The following SLC23A1 variants were observed in gnomAD, a reference collection of about 807,000 sequenced individuals.
SLC23A1 encodes the protein Na(+)/L-ascorbic acid transporter 1.
In SLC23A1, 31 loss-of-function variants were observed where a neutral mutation model predicts 62.5. The ratio of observed to expected loss-of-function variants is 0.50; its 90% CI spans 0.37 to 0.67. The LOEUF (loss-of-function observed/expected upper bound fraction) is 0.67, where lower values mean the gene tolerates loss of function less well. SLC23A1 is among the 30% of genes least tolerant of loss of function. SLC23A1 has a pLI of 0.00. For missense variants in SLC23A1, 640 were observed against 782.7 expected (o/e 0.82, Z 2.18); for synonymous variants, 271 against 313.2 (o/e 0.87, Z 1.42).
intron 1 of SLC23A1, 109 bp downstream of exon 1, chr5:139,383,109 C>G: frequency 1.4e-6 from 1 of 735,302 alleles, no homozygotes; most frequent in South Asian, 2.1e-5. Context: ...TCACTCTTAT[C>G]AAGTTCATCA....
intron 14 of SLC23A1, among the ~76,000 whole-genome samples, chr5:139,371,084 A>G (rs532518065): frequency 6.6e-6 from 1 of 152,266 alleles, no homozygotes; most frequent in South Asian, 2.1e-4. Context: ...TCTGTCTCAA[A>G]AAAAAAGGAA....
At chr5:139,371,932 C>T (rs1757690178) in intron 14 of SLC23A1, 55 bp downstream of exon 14, 1 of 1,396,004 alleles carries the variant, frequency 7.2e-7, no homozygotes, top group African/African-American at 1.4e-5. Flanking sequence ...TTGGTTAAAG[C>T]ATAAGAATGT....
At chr5:139,368,661 A>T in intron 14 of SLC23A1, 1 of 998,644 alleles carries the variant, frequency 1.0e-6, no homozygotes, top group Non-Finnish European at 1.6e-6. Context: ...ATGTTTTTGC[A>T]TGAGGATCTA....
Position 139,382,024 on chromosome 5 carries a change from G to T in SLC23A1, c.176C>A (p.Thr59Asn). The change falls in exon 3 of 15, where the codon ACC (threonine) becomes AAC (asparagine). Residue 59 changes from threonine to asparagine, a missense_variant. Physicochemically the swap from Thr to Asn is moderately conservative, Grantham distance 65. Transcript: ENST00000348729. ...AGCCAGCAGGAAGGGCACGGCGATG[G>T]TACCACTGAAGCATGTCAGGTAGTG... ...FQHYLTCFSG[T>N]IAVPFLLAEA... 1 of 1,609,360 alleles carries T rather than the reference G, an allele frequency of 6.2e-7. No individual in the cohort carries two copies. The highest frequency in any genetic ancestry group is 8.5e-7 in the Non-Finnish European group (1 of 1,177,922).
upstream of SLC23A1, chr5:139,384,645 G>A (rs537093615): frequency 8.2e-7 from 1 of 1,226,394 alleles, no homozygotes; most frequent in Admixed American, 2.7e-5. Context: ...ACCCCCTGCA[G>A]ATACGGCTCC....
At chr5:139,384,529 A>G (rs1030306534), upstream of SLC23A1, 3 of 1,289,262 alleles carry the variant, frequency 2.3e-6, no homozygotes, top group African/African-American at 3.0e-5. Flanking sequence ...ACTGCTCCCA[A>G]TTTCCAAAGT....
Position 139,379,281 on chromosome 5 carries a change from A to G in SLC23A1, c.999T>C (p.Ile333=), listed in dbSNP as rs1758111984. ...GMFSATLAGI[I]ESIGDYYACA... is the part of the protein sequence containing the mutation. ...AGGCGTAGTAATCTCCGATGGACTC[A>G]ATGATGCCTGCCAGAGTGGCGCTGA... The change falls in exon 9 of 15, where the codon ATT becomes ATC. Residue 333 remains isoleucine (I), a synonymous_variant. Transcript: ENST00000348729. This position sits in a 1 kb window ranked among gnomAD's most constrained non-coding sequence, Gnocchi z 4.7. 6.2e-7 allele frequency: 1 copy of G among 1,614,140 alleles called. No homozygotes were observed. The highest frequency in any genetic ancestry group is 1.3e-5 in the African/African-American group (1 of 75,042).
rs146029818 is a variant in SLC23A1 at position 139,379,751 on chromosome 5, A to G, written c.852T>C (p.Tyr284=). Residue 284 remains tyrosine, a synonymous_variant, in exon 8 of 15, where the codon TAT becomes TAC. Coordinates refer to ENST00000348729, the MANE Select transcript of SLC23A1 (RefSeq NM_005847.5). The surrounding 1 kb of genome is among the most constrained non-coding windows in gnomAD (Gnocchi z 4.7). Reference sequence around the variant, plus strand: ...GGGCATCGGTTCGTGCCTGGAAGCCATAGGCTTTTGGGTCTGTGGGCAGCA... The same window carrying G: ...GGGCATCGGTTCGTGCCTGGAAGCCGTAGGCTTTTGGGTCTGTGGGCAGCA... ...TDVLPTDPKA[Y]GFQARTDARG... is the part of the protein sequence containing the mutation. The G allele has an allele frequency of 3.1e-6, 5 of 1,613,940 alleles. No homozygotes were observed. The highest frequency in any genetic ancestry group is 4.2e-6 in the Non-Finnish European group (5 of 1,179,998).
Position 139,367,511 on chromosome 5 carries a change from C to A in SLC23A1, c.*140G>T, listed in dbSNP as rs1757332635. 6.6e-6 allele frequency: 1 copy of A among 151,010 alleles called. No homozygotes were observed. The highest frequency in any genetic ancestry group is 2.4e-5 in the African/African-American group (1 of 41,090). 9.4% of individuals were successfully genotyped at this position (151,010 alleles called of 1,614,324 possible). A position where few individuals can be genotyped will look rare whatever the true frequency, so the allele number is the denominator to read the frequency against. ...TTTTAACTGATGCAAAAATTTGAAT[C>A]CCAGAGAAAGGTGACTTATCTGAGT... On this transcript the variant is annotated 3_prime_UTR_variant, in exon 15 of 15. Coordinates refer to ENST00000348729, the MANE Select transcript of SLC23A1 (RefSeq NM_005847.5).
intron 13 of SLC23A1, among the ~76,000 whole-genome samples, chr5:139,375,518 G>A (rs1204986268): frequency 5.3e-5 from 8 of 152,108 alleles, no homozygotes; most frequent in Admixed American, 4.6e-4. Flanking sequence ...CTCCAGCCTG[G>A]GCAACATAGA....
At chr5:139,372,828 C>T (rs552157052) in intron 13 of SLC23A1, among the ~76,000 whole-genome samples, 1 of 152,236 alleles carries the variant, frequency 6.6e-6, no homozygotes, top group Admixed American at 6.5e-5. Flanking sequence ...TGTGATCTGC[C>T]TGGCTTGGCC....
intron 2 of SLC23A1, 43 bp downstream of exon 2, chr5:139,382,449 G>A: frequency 8.6e-7 from 1 of 1,159,520 alleles, no homozygotes; most frequent in Non-Finnish European, 1.3e-6. Flanking sequence ...GGAGTCCCCG[G>A]GGAGTGTGCA....
In SLC23A1 at chr5:139,378,159, T is replaced by C. The variant is rs34063983; in HGVS notation, c.1310-41A>G. 3.6e-3 allele frequency: 5,747 copies of C among 1,613,664 alleles called. 195 individuals are homozygous for C. The African/African-American group carries it at 0.067, about 19-fold the overall frequency. ...AACGGCTGGAGGCGCCGCACACGCG[T>C]AATCCAGGTGAGTCCCACTCGGCGA... On this transcript the variant is annotated intron_variant, in intron 11 of 14. Coordinates refer to ENST00000348729, the MANE Select transcript of SLC23A1 (RefSeq NM_005847.5). This position sits in a 1 kb window ranked among gnomAD's most constrained non-coding sequence, Gnocchi z 4.5.
chr5:139,380,547 G>C lies in SLC23A1; in HGVS notation c.465+18C>G. 3.1e-6 allele frequency: 5 copies of C among 1,612,940 alleles called. No homozygotes were observed. Among genetic ancestry groups the C allele is most frequent in the Non-Finnish European group, 4.2e-6 (5 of 1,178,968 alleles). Reference sequence around the variant, plus strand: ...CTCCTCAGGACCCGGCCTCTTCTATGCTTACATGCAAACCCACCTCCCGTA... The same window carrying C: ...CTCCTCAGGACCCGGCCTCTTCTATCCTTACATGCAAACCCACCTCCCGTA... On this transcript the variant is annotated intron_variant, in intron 5 of 14. Transcript: ENST00000348729.
At chr5:139,372,336 C>G in intron 13 of SLC23A1, 83 bp from the exon 14 acceptor site, 1 of 1,290,034 alleles carries the variant, frequency 7.8e-7, no homozygotes, top group Non-Finnish European at 1.1e-6. Flanking sequence ...CTAAGGCAGA[C>G]TTCTGGAATC....
At chr5:139,384,716 G>A, upstream of SLC23A1, 1 of 985,394 alleles carries the variant, frequency 1.0e-6, no homozygotes, top group Non-Finnish European at 1.2e-6. Flanking sequence ...GGAGAACACG[G>A]TCCCAGATCC....
chr5:139,372,968 G>A (rs1757757221), intron 13 of SLC23A1, among the ~76,000 whole-genome samples: 2 of 152,136 alleles, frequency 1.3e-5, no homozygotes, highest in Non-Finnish European at 2.9e-5. Context: ...TGTGTGTTAG[G>A]CCCATGGGGA....
chr5:139,381,536 C>T (rs1015951615), intron 3 of SLC23A1, among the ~76,000 whole-genome samples: 25 of 150,672 alleles, frequency 1.7e-4, no homozygotes, highest in African/African-American at 5.9e-4. Flanking sequence ...TCGCTTGAAC[C>T]CGGGAGGTGG....
upstream of SLC23A1, chr5:139,383,436 G>A: frequency 7.7e-7 from 1 of 1,301,792 alleles, no homozygotes; most frequent in South Asian, 2.2e-5. Context: ...CACTAGGACA[G>A]TAAAAGCCAC....
Sources: allele counts gnomAD v4.1 joint callset (sites outside exome capture counted in the v4.1 genomes callset), GRCh38; gene constraint gnomAD v4.1.1; non-coding constraint Gnocchi (gnomAD v3.1); transcripts MANE v1.5; gene names NCBI Gene and HGNC (gene_info 2026-07-23, HGNC 2026-07-21).